The following CLEC16A variants were observed in gnomAD, a reference collection of about 807,000 sequenced individuals.
CLEC16A encodes protein CLEC16A.
In CLEC16A, 51 loss-of-function variants were observed where a neutral mutation model predicts 109.5. That is an observed-to-expected ratio of 0.47 (90% CI 0.37 to 0.59). CLEC16A has a LOEUF of 0.59. CLEC16A is among the 20% of genes least tolerant of loss of function. The pLI, the probability that CLEC16A is intolerant of heterozygous loss-of-function variation, is 0.00. For missense variants in CLEC16A, 1,339 were observed against 1,394.0 expected (o/e 0.96, Z 0.63); for synonymous variants, 673 against 564.2 (o/e 1.19, Z -2.73).
chr16:10,968,911 C>CT lies in CLEC16A; in HGVS notation c.344-242dup, dbSNP rs573062604. Among the ~76,000 whole-genome samples the CT allele has an allele frequency of 9.9e-5, 15 of 151,746 alleles. No individual in the cohort carries two copies. In the South Asian group the frequency reaches 1.5e-3, roughly 15 times the overall value. On this transcript the variant is annotated intron_variant, in intron 3 of 23. Coordinates refer to ENST00000409790, the MANE Select transcript of CLEC16A (RefSeq NM_015226.3). ...CAATGAAAAGAAAATGTTGGAGTGT[C>CT]TTTTTTTTATTTGGTGTGGGAGGGC...
intron 8 of CLEC16A, 52 bp downstream of exon 8, chr16:10,977,451 A>G: frequency 1.3e-6 from 2 of 1,517,066 alleles, no homozygotes; most frequent in African/African-American, 1.4e-5. Context: ...GAAGTGGGGA[A>G]GAACAGTCCC....
In CLEC16A at chr16:11,105,674, T is replaced by G. The variant is rs117079115; in HGVS notation, c.2117-14941T>G. 1.7e-3 allele frequency among the ~76,000 whole-genome samples: 265 copies of G among 152,314 alleles called. 7 individuals carry two copies. The East Asian group carries it at 0.037, about 21-fold the overall frequency. On this transcript the variant is annotated intron_variant, in intron 19 of 23. Coordinates refer to ENST00000409790, the MANE Select transcript of CLEC16A (RefSeq NM_015226.3). Reference sequence around the variant, plus strand: ...CCCAAAGCTAGCACTTCCCCCAGCCTGTGGGTACCTGAGATTGAGGCACCC... The same window carrying G: ...CCCAAAGCTAGCACTTCCCCCAGCCGGTGGGTACCTGAGATTGAGGCACCC...
intron 11 of CLEC16A, among the ~76,000 whole-genome samples, chr16:11,013,097 C>G (rs1207122956): frequency 6.6e-6 from 1 of 152,126 alleles, no homozygotes. Flanking sequence ...GGGAGGAAAC[C>G]AGAATATGTG....
At chr16:11,079,706 G>T (rs1164229443) in intron 19 of CLEC16A, among the ~76,000 whole-genome samples, 1 of 152,138 alleles carries the variant, frequency 6.6e-6, no homozygotes, top group East Asian at 1.9e-4. Flanking sequence ...CAGGAAATAT[G>T]CATGTCATTT....
intron 1 of CLEC16A, among the ~76,000 whole-genome samples, chr16:10,953,572 A>G (rs1450251728): frequency 6.6e-6 from 1 of 152,232 alleles, no homozygotes; most frequent in Non-Finnish European, 1.5e-5. Flanking sequence ...TATAAAGGGA[A>G]CGAAAAGGTA....
intron 13 of CLEC16A, among the ~76,000 whole-genome samples, chr16:11,029,780 G>C (rs1196884951): frequency 6.6e-6 from 1 of 152,114 alleles, no homozygotes; most frequent in African/African-American, 2.4e-5. Context: ...TATTTAAGGT[G>C]CACAATTTAA....
chr16:11,080,810 T>G (rs1054469597), intron 19 of CLEC16A, among the ~76,000 whole-genome samples: 1 of 152,222 alleles, frequency 6.6e-6, no homozygotes, highest in Non-Finnish European at 1.5e-5. Flanking sequence ...CCTCACTCTT[T>G]CACTTTTAGA....
At chr16:11,147,918 C>T (rs1206249753) in intron 22 of CLEC16A, among the ~76,000 whole-genome samples, 1 of 152,236 alleles carries the variant, frequency 6.6e-6, no homozygotes, top group Non-Finnish European at 1.5e-5. Flanking sequence ...GCAATCCAGA[C>T]TCACCTGGCA....
At chr16:11,157,252 G>C (rs2054568122) in intron 22 of CLEC16A, 1 of 1,190,634 alleles carries the variant, frequency 8.4e-7, no homozygotes, top group Admixed American at 3.9e-5. Flanking sequence ...TCAGTGATCA[G>C]TGATGTGGGG....
chr16:10,976,209 G>C (rs1227992123), intron 7 of CLEC16A, among the ~76,000 whole-genome samples: 2 of 152,154 alleles, frequency 1.3e-5, no homozygotes, highest in African/African-American at 4.8e-5. Context: ...GGTTGAGGCT[G>C]TAATGAGCTG....
At chr16:11,148,665 G>A (rs78455166) in intron 22 of CLEC16A, among the ~76,000 whole-genome samples, 13,014 of 152,172 alleles carry the variant, frequency 0.086, 586 homozygotes, top group East Asian at 0.11. Flanking sequence ...ATGCGCCTCC[G>A]TTTCCCTGTC....
intron 19 of CLEC16A, among the ~76,000 whole-genome samples, chr16:11,109,485 A>G (rs959673019): frequency 2.0e-5 from 3 of 152,156 alleles, no homozygotes; most frequent in Non-Finnish European, 4.4e-5. Context: ...GCTTTAGAGA[A>G]CCAAAGCCTG....
At chr16:11,022,898 C>CAA (rs1243541589) in intron 12 of CLEC16A, among the ~76,000 whole-genome samples, 10 of 107,516 alleles carry the variant, frequency 9.3e-5, no homozygotes, top group African/African-American at 4.9e-4. Context: ...GATTCCATCT[C>CAA]AAAAATATAT....
chr16:11,002,688 C>G (rs1023508520), intron 10 of CLEC16A, among the ~76,000 whole-genome samples: 1 of 152,148 alleles, frequency 6.6e-6, no homozygotes, highest in East Asian at 1.9e-4. Flanking sequence ...TCCATCATCC[C>G]ACACTCTGCT....
At chr16:11,113,595 G>A (rs2051752326) in intron 19 of CLEC16A, among the ~76,000 whole-genome samples, 1 of 152,158 alleles carries the variant, frequency 6.6e-6, no homozygotes, top group Non-Finnish European at 1.5e-5. Context: ...TGAGGCCGAG[G>A]CTGCAGTAAG....
At chr16:10,979,508 A>G in intron 9 of CLEC16A, 126 bp downstream of exon 9, 1 of 773,874 alleles carries the variant, frequency 1.3e-6, no homozygotes, top group East Asian at 2.7e-5. Context: ...GAGTAAAATA[A>G]CAGCAAAACA....
At chr16:10,975,393 G>A (rs976511786) in intron 7 of CLEC16A, among the ~76,000 whole-genome samples, 11 of 152,066 alleles carry the variant, frequency 7.2e-5, no homozygotes, top group Admixed American at 7.2e-4. Context: ...TTCATTATCA[G>A]CTTATCAATG....
chr16:10,970,816 A>T (rs2042744883), intron 4 of CLEC16A, among the ~76,000 whole-genome samples: 2 of 152,088 alleles, frequency 1.3e-5, no homozygotes, highest in South Asian at 4.1e-4. Flanking sequence ...GCACGATCAC[A>T]TCTCACTGCA....
At chr16:11,031,534 G>C (rs1195799203) in intron 13 of CLEC16A, among the ~76,000 whole-genome samples, 2 of 152,198 alleles carry the variant, frequency 1.3e-5, no homozygotes, top group Non-Finnish European at 2.9e-5. Flanking sequence ...TATATTCAAG[G>C]AAATTGAATT....
Sources: allele counts gnomAD v4.1 joint callset (sites outside exome capture counted in the v4.1 genomes callset), GRCh38; gene constraint gnomAD v4.1.1; transcripts MANE v1.5; gene names NCBI Gene and HGNC (gene_info 2026-07-23, HGNC 2026-07-21).